Variants in HECW2 observed in about 807,000 individuals in gnomAD.
HECW2 encodes HECT, C2 and WW domain containing E3 ubiquitin protein ligase 2.
In HECW2, 61 loss-of-function variants were observed where a neutral mutation model predicts 175.2. The ratio of observed to expected loss-of-function variants is 0.35; its 90% CI spans 0.28 to 0.43. The LOEUF (loss-of-function observed/expected upper bound fraction) is 0.43. Ranked by LOEUF, HECW2 falls within the 20% of genes least tolerant of loss-of-function variation. The pLI is 1.00. For synonymous variants in HECW2, 671 were observed against 731.0 expected (o/e 0.92, Z 1.32); for missense variants, 1,524 against 2,000.5 (o/e 0.76, Z 4.54).
At chr2:196,268,034 A>T (rs1689582245) in intron 17 of HECW2, among the ~76,000 whole-genome samples, 3 of 152,196 alleles carry the variant, frequency 2.0e-5, no homozygotes, top group Non-Finnish European at 2.9e-5. Flanking sequence ...AATATCATTG[A>T]AATAGGAAAT....
chr2:196,473,780 C>A (rs1312471409), intron 1 of HECW2, among the ~76,000 whole-genome samples: 1 of 152,208 alleles, frequency 6.6e-6, no homozygotes, highest in African/African-American at 2.4e-5. Flanking sequence ...ACTTGAAAAG[C>A]CCACGTGGGA....
chr2:196,334,423 C>T lies in HECW2; in HGVS notation c.495+1G>A. 1 of 1,603,868 alleles carries T rather than the reference C, an allele frequency of 6.2e-7. No individual in the cohort carries two copies. The highest frequency in any genetic ancestry group is 8.5e-7 in the Non-Finnish European group (1 of 1,175,012). ...GGAAGCTGGCAGCGAGGGGCACTCACCATCACAGCTGGGTTCTTCACGGTG... is the reference window on the plus strand; with the variant it reads ...GGAAGCTGGCAGCGAGGGGCACTCATCATCACAGCTGGGTTCTTCACGGTG... On this transcript the variant is annotated splice_donor_variant, in intron 4 of 28. Transcript: ENST00000644978. LOFTEE classifies it high-confidence loss of function.
rs771405901 is a variant in HECW2, at chr2:196,292,624, C to G, written c.2941G>C (p.Ala981Pro). The G allele has an allele frequency of 1.2e-6, 2 of 1,613,996 alleles. No homozygotes were observed. Among genetic ancestry groups the G allele is most frequent in the Non-Finnish European group, 1.7e-6 (2 of 1,179,996 alleles). The change falls in exon 14 of 29, where the codon GCG (alanine) becomes CCG (proline). Residue 981 changes from alanine to proline, a missense_variant. Physicochemically the swap from Ala to Pro is conservative, Grantham distance 27. This residue lies in a region of HECW2 where 291 missense variants were observed against 412.2 expected (regional missense o/e 0.71). Transcript: ENST00000644978. ...RDLVGFLNMF[A>P]NKQLELPRGW... Reference sequence around the variant, plus strand: ...CGCGGCAGCTCTAGCTGTTTGTTCGCGAACATGTTGAGGAATCCCACAAGG... The same window carrying G: ...CGCGGCAGCTCTAGCTGTTTGTTCGGGAACATGTTGAGGAATCCCACAAGG...
intron 26 of HECW2, chr2:196,218,220 G>A (rs963468834): frequency 1.2e-4 from 18 of 152,170 alleles, no homozygotes; most frequent in African/African-American, 4.3e-4. Context: ...TTTGCTATTT[G>A]TGCCAAACCT....
intron 1 of HECW2, among the ~76,000 whole-genome samples, chr2:196,500,403 T>A (rs1227290611): frequency 1.3e-5 from 2 of 152,148 alleles, no homozygotes; most frequent in Non-Finnish European, 1.5e-5. Context: ...ATACATGCAA[T>A]CTTACACCAT....
At chr2:196,516,271 T>C (rs761970584) in intron 1 of HECW2, among the ~76,000 whole-genome samples, 19 of 152,182 alleles carry the variant, frequency 1.2e-4, no homozygotes, top group Non-Finnish European at 1.6e-4. Flanking sequence ...TAAATACTAA[T>C]ACAGACAGTC....
chr2:196,340,807 T>C (rs1692723185), intron 3 of HECW2, among the ~76,000 whole-genome samples: 2 of 152,202 alleles, frequency 1.3e-5, no homozygotes, highest in South Asian at 2.1e-4. Context: ...ACTTTACTTA[T>C]ACTACATTTC....
At chr2:196,477,983 C>T (rs1044665053) in intron 1 of HECW2, among the ~76,000 whole-genome samples, 2 of 152,008 alleles carry the variant, frequency 1.3e-5, no homozygotes, top group Admixed American at 6.6e-5. Flanking sequence ...ACCTGGGAGG[C>T]GGAGGTTGCA....
intron 1 of HECW2, among the ~76,000 whole-genome samples, chr2:196,572,697 G>A (rs571130214): frequency 3.3e-5 from 5 of 152,276 alleles, no homozygotes; most frequent in Admixed American, 3.3e-4. Flanking sequence ...GACTTTGGGA[G>A]GTAATTAGGT....
chr2:196,416,200 T>C (rs1695252783), intron 2 of HECW2, among the ~76,000 whole-genome samples: 1 of 152,200 alleles, frequency 6.6e-6, no homozygotes. Context: ...TTAAATTTTG[T>C]GGCAAAGAAA....
At chr2:196,312,072 T>C (rs1691517490) in intron 10 of HECW2, among the ~76,000 whole-genome samples, 1 of 152,146 alleles carries the variant, frequency 6.6e-6, no homozygotes, top group Non-Finnish European at 1.5e-5. Context: ...CGCAGGGTTG[T>C]TTCTGTGATC....
chr2:196,505,553 AAG>A (rs957088248), intron 1 of HECW2, among the ~76,000 whole-genome samples: 1 of 152,098 alleles, frequency 6.6e-6, no homozygotes, highest in Non-Finnish European at 1.5e-5. Context: ...AAAAAGAAGA[AAG>A]AGAAAACAAA....
chr2:196,332,560 G>C (rs909947151), intron 4 of HECW2, among the ~76,000 whole-genome samples: 1 of 152,124 alleles, frequency 6.6e-6, no homozygotes, highest in East Asian at 1.9e-4. Flanking sequence ...CTATCCACAG[G>C]CTTTGACAGA....
intron 1 of HECW2, among the ~76,000 whole-genome samples, chr2:196,484,218 G>A (rs1266894995): frequency 6.6e-6 from 1 of 152,122 alleles, no homozygotes; most frequent in Non-Finnish European, 1.5e-5. Flanking sequence ...TTCACAGTGA[G>A]CACTCATTCC....
At chr2:196,252,063 G>A (rs181488148) in intron 19 of HECW2, among the ~76,000 whole-genome samples, 78 of 151,914 alleles carry the variant, frequency 5.1e-4, no homozygotes, top group African/African-American at 1.8e-3. Flanking sequence ...GCTGGGCATG[G>A]TGGCATGTAT....
chr2:196,386,919 C>T (rs2105931740), intron 2 of HECW2, among the ~76,000 whole-genome samples: 1 of 152,256 alleles, frequency 6.6e-6, no homozygotes, highest in South Asian at 2.1e-4. Flanking sequence ...AATCACAAGG[C>T]TTGTTATAAG....
intron 9 of HECW2, among the ~76,000 whole-genome samples, chr2:196,317,680 G>A (rs1191903639): frequency 6.8e-6 from 1 of 147,102 alleles, no homozygotes; most frequent in Non-Finnish European, 1.5e-5. Context: ...ACAATATAAT[G>A]AAGGAAACAA....
In HECW2 at chr2:196,217,116, C is replaced by T. The variant is rs1365697918; in HGVS notation, c.4409-23G>A. The T allele has an allele frequency of 4.4e-6, 7 of 1,577,858 alleles. No individual in the cohort carries two copies. The African/African-American group carries it at 8.2e-5, about 19-fold the overall frequency. On this transcript the variant is annotated intron_variant, in intron 26 of 28. Coordinates refer to ENST00000644978, the MANE Select transcript of HECW2 (RefSeq NM_001348768.2). The stretch of plus-strand genomic sequence containing the variant: ...ATCCTATCAAACCAATCATAAAAGC[C>T]CATGTTACTTTGACTCTTCTATATT...
intron 1 of HECW2, among the ~76,000 whole-genome samples, chr2:196,455,830 T>C (rs1696492351): frequency 6.6e-6 from 1 of 152,000 alleles, no homozygotes; most frequent in African/African-American, 2.4e-5. Flanking sequence ...ATAATGCAGT[T>C]TGTACAATAA....
Sources: allele counts gnomAD v4.1 joint callset (sites outside exome capture counted in the v4.1 genomes callset), GRCh38; gene constraint gnomAD v4.1.1; regional missense constraint gnomAD v4.1.1; transcripts MANE v1.5; gene names NCBI Gene and HGNC (gene_info 2026-07-23, HGNC 2026-07-21).